The following GALNS variants were observed in gnomAD, a reference collection of about 807,000 sequenced individuals.
GALNS encodes the protein N-acetylgalactosamine-6-sulfatase.
GALNS carries 65 observed loss-of-function variants against 65.9 expected under a neutral mutation model. The ratio of observed to expected loss-of-function variants is 0.99; its 90% CI spans 0.81 to 1.21. The LOEUF (loss-of-function observed/expected upper bound fraction) is 1.21, where lower values mean the gene tolerates loss of function less well. Among genes scored for constraint, GALNS ranks in the 50% most tolerant of loss-of-function variants. The pLI, the probability that GALNS is intolerant of heterozygous loss-of-function variation, is 0.00. For synonymous variants in GALNS, 346 were observed against 288.9 expected, an observed-to-expected ratio of 1.20 and a Z score of -2.00; for missense variants, 776 against 700.7, an observed-to-expected ratio of 1.11 and a Z score of -1.21.
intron 1 of GALNS, among the ~76,000 whole-genome samples, chr16:88,847,312 A>G (rs972204964): frequency 6.6e-6 from 1 of 152,220 alleles, no homozygotes; most frequent in Admixed American, 6.5e-5. Flanking sequence ...CAGAGGCTGC[A>G]GTGAGCTGAG....
At chr16:88,816,988 CA>C in intron 13 of GALNS, 1 of 985,418 alleles carries the variant, frequency 1.0e-6, no homozygotes, top group African/African-American at 1.7e-5. Flanking sequence ...GGGCTCTGGG[CA>C]CCCAGGAGCG....
chr16:88,855,093 C>A (rs186275790), intron 1 of GALNS: 2 of 451,316 alleles, frequency 4.4e-6, no homozygotes, highest in Non-Finnish European at 8.6e-6. Flanking sequence ...CCCTATTTAC[C>A]GGGAGCCACA....
At chr16:88,837,025 A>C (rs1250029737) in intron 5 of GALNS, among the ~76,000 whole-genome samples, 1 of 152,264 alleles carries the variant, frequency 6.6e-6, no homozygotes, top group Non-Finnish European at 1.5e-5. Flanking sequence ...CTATCTAGAA[A>C]GAGGCAGCAA....
Position 88,814,320 on chromosome 16 carries a change from A to G in GALNS, c.*119T>C. On this transcript the variant is annotated 3_prime_UTR_variant, in exon 14 of 14. Transcript: ENST00000268695. The stretch of plus-strand genomic sequence containing the variant: ...AATTGTGCAGTCCCCCTGCGTCTGC[A>G]GGTGCTGTCTGTCTGGCTTGGGCAG... 7.6e-7 allele frequency: 1 copy of G among 1,318,608 alleles called. No individual in the cohort carries two copies. The allele number at this position is 1,318,608 out of a possible 1,614,324, so 81.7% of individuals were successfully genotyped here.
At chr16:88,838,802 T>C (rs1220173495) in intron 4 of GALNS, 2 of 152,326 alleles carry the variant, frequency 1.3e-5, no homozygotes, top group Non-Finnish European at 2.9e-5. Context: ...AGGAAAGTTC[T>C]TCTGCAGCTA....
At chr16:88,818,217 C>T (rs540236297) in intron 12 of GALNS, 93 bp from the exon 13 acceptor site, 314 of 1,015,764 alleles carry the variant, frequency 3.1e-4, no homozygotes, top group African/African-American at 1.8e-3. Context: ...AGAGCTCTAA[C>T]GGGCTGAGAA....
At chr16:88,836,307 G>A (rs1382801574) in intron 5 of GALNS, 40 bp from the exon 6 acceptor site, 2 of 1,523,610 alleles carry the variant, frequency 1.3e-6, no homozygotes, top group African/African-American at 1.4e-5. Context: ...CAGAATTTAG[G>A]CCAAGAAAGT....
rs113345933 is a variant in GALNS at position 88,849,106 on chromosome 16, A to G, written c.121-6277T>C. On this transcript the variant is annotated intron_variant, in intron 1 of 13. Transcript: ENST00000268695. ...TTCTGTTTGGCCCTTTTAGCTTTGG[A>G]TCCCTTTTGAGATGGTTTATTTTTT... 3.6e-3 allele frequency among the ~76,000 whole-genome samples: 551 copies of G among 152,106 alleles called. 2 individuals are homozygous for G. The highest frequency in any genetic ancestry group is 0.012 in the African/African-American group (516 of 41,460).
intron 1 of GALNS, 140 bp from the exon 2 acceptor site, chr16:88,842,969 G>A (rs541087449): frequency 1.3e-5 from 20 of 1,528,362 alleles, no homozygotes; most frequent in Admixed American, 2.0e-5. Context: ...GGCAGAGCTC[G>A]GCCAAACCCC....
At chr16:88,856,515 G>A (rs889457879) in intron 1 of GALNS, 2 of 697,586 alleles carry the variant, frequency 2.9e-6, no homozygotes, top group South Asian at 1.5e-5. Context: ...ATCGGTGACC[G>A]CCGAGACCCC....
At chr16:88,822,856 G>A (rs1910389889) in intron 11 of GALNS, 146 bp from the exon 12 acceptor site, 1 of 1,277,112 alleles carries the variant, frequency 7.8e-7, no homozygotes, top group South Asian at 1.3e-5. Context: ...GGGGGCCGTG[G>A]GGGGGTCTCG....
rs1368417330 is a variant in GALNS, at chr16:88,814,529, G to A, written c.1483-4C>T. The A allele has an allele frequency of 5.1e-6, 8 of 1,553,792 alleles. No homozygotes were observed. Among genetic ancestry groups the A allele is most frequent in the Non-Finnish European group, 7.0e-6 (8 of 1,148,278 alleles). ...CACAGCCCGGAGGTGCCCAGTTCTG[G>A]GAAATGAAAATTGAGAAAAAGAACA... is the stretch of plus-strand genomic sequence containing the variant. On this transcript the variant is annotated splice_region_variant and splice_polypyrimidine_tract_variant and intron_variant, in intron 13 of 13. Transcript: ENST00000268695.
At chr16:88,854,856 A>C (rs1473508832) in intron 1 of GALNS, among the ~76,000 whole-genome samples, 1 of 152,252 alleles carries the variant, frequency 6.6e-6, no homozygotes, top group East Asian at 1.9e-4. Context: ...AGTCCTTACA[A>C]GTACACCTAC....
intron 12 of GALNS, among the ~76,000 whole-genome samples, chr16:88,818,647 G>C (rs773127908): frequency 2.0e-5 from 3 of 152,192 alleles, no homozygotes; most frequent in Admixed American, 6.5e-5. Context: ...TACACGGCTC[G>C]ACGAGGTGCC....
intron 8 of GALNS, among the ~76,000 whole-genome samples, chr16:88,833,092 A>G (rs1911687034): frequency 6.6e-6 from 1 of 151,782 alleles, no homozygotes; most frequent in African/African-American, 2.4e-5. Context: ...AAAAAAAAAA[A>G]AAAAAAAAGA....
intron 1 of GALNS, among the ~76,000 whole-genome samples, chr16:88,847,342 G>C (rs572913209): frequency 3.3e-5 from 5 of 152,232 alleles, no homozygotes; most frequent in Admixed American, 3.3e-4. Context: ...CGGCAGTCCA[G>C]CCTAGGTAAC....
At chr16:88,855,706 C>T in intron 1 of GALNS, 1 of 588,400 alleles carries the variant, frequency 1.7e-6, no homozygotes, top group Non-Finnish European at 3.0e-6. Flanking sequence ...TTCACCAAGT[C>T]TTCTAAATCT....
intron 1 of GALNS, chr16:88,855,276 C>T: frequency 1.4e-6 from 1 of 700,240 alleles, no homozygotes; most frequent in Non-Finnish European, 2.6e-6. Flanking sequence ...AACAGGGAGG[C>T]TTCACCTGCA....
Position 88,856,914 on chromosome 16 carries a change from C to A in GALNS, c.-37G>T, listed in dbSNP as rs1389591769. ...GAGCCGCGGAGCCCCGGCCAGCGAGCCGACCTAGCGAGCGTCCGCCGGCCC... is the reference window on the plus strand; with the variant it reads ...GAGCCGCGGAGCCCCGGCCAGCGAGACGACCTAGCGAGCGTCCGCCGGCCC... On this transcript the variant is annotated 5_prime_UTR_variant, in exon 1 of 14. Coordinates refer to ENST00000268695, the MANE Select transcript of GALNS (RefSeq NM_000512.5). 1 of 1,495,718 alleles carries A rather than the reference C, an allele frequency of 6.7e-7. No homozygotes were observed. Among genetic ancestry groups the A allele is most frequent in the East Asian group, 2.8e-5 (1 of 35,922 alleles). 92.7% of individuals were successfully genotyped at this position (1,495,718 alleles called of 1,614,324 possible).
Sources: gnomAD v4.1 joint callset for allele counts (sites outside exome capture counted in the v4.1 genomes callset) on GRCh38, gnomAD v4.1.1 for gene constraint, MANE v1.5 for transcripts, NCBI Gene and HGNC (gene_info 2026-07-23, HGNC 2026-07-21) for gene names.